TBC1D12: variants seen among roughly 807,000 people sequenced by gnomAD.
The protein encoded by TBC1D12 is TBC1 domain family member 12.
Under a neutral mutation model 86.7 loss-of-function variants are expected in TBC1D12, and 56 were observed. The ratio of observed to expected loss-of-function variants is 0.65; its 90% CI spans 0.52 to 0.81. The LOEUF (loss-of-function observed/expected upper bound fraction) is 0.81. TBC1D12 is among the 30% of genes least tolerant of loss of function. The probability of loss-of-function intolerance (pLI) is 0.00; values close to 1 mark genes in which losing one functional copy is unlikely to be tolerated. For synonymous variants in TBC1D12, 421 were observed against 411.7 expected (o/e 1.02, Z -0.27); for missense variants, 1,023 against 1,038.8 (o/e 0.98, Z 0.21).
chr10:94,406,129 G>A (rs1314667533), intron 1 of TBC1D12, among the ~76,000 whole-genome samples: 1 of 151,944 alleles, frequency 6.6e-6, no homozygotes, highest in Non-Finnish European at 1.5e-5. Flanking sequence ...ATTTATAGGA[G>A]GCTTTCATAT....
At chr10:94,512,514 C>T (rs766490393) in intron 9 of TBC1D12, among the ~76,000 whole-genome samples, 3 of 152,156 alleles carry the variant, frequency 2.0e-5, no homozygotes, top group Admixed American at 1.3e-4. Context: ...ATTTATTGTG[C>T]TCTTATGACT....
At chr10:94,460,736 T>G (rs968089306) in intron 2 of TBC1D12, among the ~76,000 whole-genome samples, 1 of 152,218 alleles carries the variant, frequency 6.6e-6, no homozygotes, top group East Asian at 1.9e-4. Flanking sequence ...TTGTCCGTTA[T>G]AGTTTTCCCA....
In TBC1D12 at chr10:94,531,187, T is replaced by C; in HGVS notation, c.2001-15T>C. ...AATGAAAAATTTCAGTGACCATTTT[T>C]CCCTCTAATTTTAGGATCTTCACAC... is the stretch of plus-strand genomic sequence containing the variant. On this transcript the variant is annotated splice_polypyrimidine_tract_variant and intron_variant, in intron 11 of 12. Transcript: ENST00000225235. 1 of 1,596,836 alleles carries C rather than the reference T, an allele frequency of 6.3e-7. No homozygotes were observed. Among genetic ancestry groups the C allele is most frequent in the Non-Finnish European group, 8.6e-7 (1 of 1,169,362 alleles).
intron 1 of TBC1D12, among the ~76,000 whole-genome samples, chr10:94,441,113 G>C (rs1198022502): frequency 6.6e-6 from 1 of 151,468 alleles, no homozygotes; most frequent in Non-Finnish European, 1.5e-5. Flanking sequence ...CTCCCAAAGT[G>C]CTGGGATTAC....
intron 2 of TBC1D12, among the ~76,000 whole-genome samples, chr10:94,459,567 C>T (rs527709154): frequency 6.8e-4 from 103 of 152,198 alleles, no homozygotes; most frequent in Non-Finnish European, 1.1e-3. Context: ...CGGGGAGGCT[C>T]GGGCCGCGCA....
intron 4 of TBC1D12, among the ~76,000 whole-genome samples, chr10:94,495,672 CAT>C (rs1491467624): frequency 2.0e-5 from 3 of 151,904 alleles, no homozygotes; most frequent in Non-Finnish European, 4.4e-5. Context: ...TCATGCGTAA[CAT>C]GTGAGAGGCA....
At chr10:94,488,976 G>T (rs922940071) in intron 3 of TBC1D12, among the ~76,000 whole-genome samples, 1 of 152,132 alleles carries the variant, frequency 6.6e-6, no homozygotes, top group African/African-American at 2.4e-5. Context: ...GATTGAGAGG[G>T]GAGTGGCGTA....
intron 2 of TBC1D12, among the ~76,000 whole-genome samples, chr10:94,448,875 C>T (rs1346992997): frequency 6.6e-6 from 1 of 152,168 alleles, no homozygotes; most frequent in Non-Finnish European, 1.5e-5. Context: ...AATAACTACA[C>T]TTCTAGTTGC....
At chr10:94,420,582 C>T (rs1397236446) in intron 1 of TBC1D12, among the ~76,000 whole-genome samples, 1 of 152,170 alleles carries the variant, frequency 6.6e-6, no homozygotes, top group Non-Finnish European at 1.5e-5. Context: ...TGCATTTGCT[C>T]AGTCTGGATA....
intron 11 of TBC1D12, among the ~76,000 whole-genome samples, chr10:94,530,794 T>G (rs1842400687): frequency 6.6e-6 from 1 of 151,972 alleles, no homozygotes; most frequent in South Asian, 2.1e-4. Context: ...AGGTTGTAAA[T>G]TCACATAATT....
At chr10:94,403,733 T>A in intron 1 of TBC1D12, 149 bp downstream of exon 1, 1 of 1,015,524 alleles carries the variant, frequency 9.8e-7, no homozygotes, top group South Asian at 2.1e-5. Context: ...AGGACTTAGC[T>A]TTGATTTGTC....
intron 1 of TBC1D12, among the ~76,000 whole-genome samples, chr10:94,430,463 C>T (rs1289974642): frequency 6.6e-6 from 1 of 152,158 alleles, no homozygotes; most frequent in Non-Finnish European, 1.5e-5. Flanking sequence ...AAGCACTCTA[C>T]ATTCTGTTAT....
intron 1 of TBC1D12, among the ~76,000 whole-genome samples, chr10:94,413,594 G>A (rs2054956376): frequency 2.0e-5 from 3 of 152,108 alleles, no homozygotes; most frequent in Admixed American, 2.0e-4. Context: ...CCATGTGACT[G>A]TCTGGGTTTT....
At chr10:94,514,929 A>T (rs911342728) in intron 9 of TBC1D12, among the ~76,000 whole-genome samples, 1 of 121,166 alleles carries the variant, frequency 8.3e-6, no homozygotes, top group African/African-American at 3.3e-5. Flanking sequence ...TTTTTTTGAG[A>T]CGGAGTCTCA....
intron 11 of TBC1D12, among the ~76,000 whole-genome samples, chr10:94,523,962 C>T (rs1429928738): frequency 6.6e-6 from 1 of 151,966 alleles, no homozygotes; most frequent in Admixed American, 6.6e-5. Context: ...GAACGAGATC[C>T]TATTAAAAAA....
At chr10:94,504,782 G>C (rs2056440305) in intron 6 of TBC1D12, among the ~76,000 whole-genome samples, 2 of 152,186 alleles carry the variant, frequency 1.3e-5, no homozygotes, top group Admixed American at 6.5e-5. Flanking sequence ...TAAAACAATA[G>C]TGAAAGTGCA....
chr10:94,449,958 G>T (rs2055525494), intron 2 of TBC1D12, among the ~76,000 whole-genome samples: 1 of 152,094 alleles, frequency 6.6e-6, no homozygotes, highest in African/African-American at 2.4e-5. Flanking sequence ...AAAACGCAAG[G>T]CATCAAAGTG....
intron 12 of TBC1D12, 48 bp downstream of exon 12, chr10:94,531,508 CTT>C: frequency 6.7e-7 from 1 of 1,496,122 alleles, no homozygotes; most frequent in Non-Finnish European, 8.9e-7. Flanking sequence ...AAGCAGTTGA[CTT>C]ATTGTAAAAA....
Position 94,474,677 on chromosome 10 carries a change from G to C in TBC1D12, c.1105G>C (p.Ala369Pro). Reference protein sequence around the residue: ...TSKIIQQEYEARTGRTCKPPP... With the variant: ...TSKIIQQEYEPRTGRTCKPPP... The stretch of plus-strand genomic sequence containing the variant: ...TTTTAATTTACTCTAGGAATATGAA[G>C]CACGAACGGGGAGGACCTGTAAACC... Residue 369 changes from alanine (A) to proline (P), a missense_variant, in exon 3 of 13, where the codon GCA becomes CCA. Ala to Pro is a conservative substitution (Grantham distance 27). Coordinates refer to ENST00000225235, the MANE Select transcript of TBC1D12 (RefSeq NM_015188.2). 6.2e-7 allele frequency: 1 copy of C among 1,613,864 alleles called. No homozygotes were observed. Among genetic ancestry groups the C allele is most frequent in the Non-Finnish European group, 8.5e-7 (1 of 1,179,854 alleles).
Sources: gnomAD v4.1 joint callset for allele counts (sites outside exome capture counted in the v4.1 genomes callset) on GRCh38, gnomAD v4.1.1 for gene constraint, MANE v1.5 for transcripts, NCBI Gene and HGNC (gene_info 2026-07-23, HGNC 2026-07-21) for gene names.